Variants in CDC42SE2 observed in about 807,000 individuals in gnomAD.
CDC42SE2 encodes CDC42 small effector protein 2.
Under a neutral mutation model 11.5 loss-of-function variants are expected in CDC42SE2, and 3 were observed. That is an observed-to-expected ratio of 0.26 (90% CI 0.12 to 0.67). The LOEUF (loss-of-function observed/expected upper bound fraction) is 0.67, where lower values mean the gene tolerates loss of function less well. CDC42SE2 is among the 30% of genes least tolerant of loss of function. CDC42SE2 has a pLI of 0.80. For missense variants in CDC42SE2, 82 were observed against 106.8 expected (o/e 0.77, Z 1.02); for synonymous variants, 33 against 34.8 (o/e 0.95, Z 0.18).
At chr5:131,390,291 T>A (rs1750610739) in intron 4 of CDC42SE2, among the ~76,000 whole-genome samples, 1 of 152,230 alleles carries the variant, frequency 6.6e-6, no homozygotes. Flanking sequence ...TCCAATTTTA[T>A]TCATGCTTAT....
rs960059619 is a variant in CDC42SE2, at chr5:131,392,074, T to G, written c.*983T>G. The G allele has an allele frequency of 1.2e-4, 18 of 152,644 alleles. No individual in the cohort carries two copies. Among genetic ancestry groups the G allele is most frequent in the African/African-American group, 4.3e-4 (18 of 41,458 alleles). 9.5% of individuals were successfully genotyped at this position (152,644 alleles called of 1,614,324 possible). The stretch of plus-strand genomic sequence containing the variant: ...CAGAGTTCTTTGGATTGTCACTGAA[T>G]TTTCAATGTTTAATCAGTATGGATC... On this transcript the variant is annotated 3_prime_UTR_variant, in exon 5 of 5. Transcript: ENST00000505065.
intron 1 of CDC42SE2, among the ~76,000 whole-genome samples, chr5:131,293,486 C>T (rs988790583): frequency 4.0e-5 from 6 of 151,198 alleles, no homozygotes; most frequent in African/African-American, 1.5e-4. Flanking sequence ...GCAGGAGAAT[C>T]GCTTGAACCC....
intron 3 of CDC42SE2, among the ~76,000 whole-genome samples, chr5:131,381,149 T>G (rs1445978195): frequency 6.6e-6 from 1 of 152,134 alleles, no homozygotes; most frequent in African/African-American, 2.4e-5. Context: ...GAAATCTCAT[T>G]AACTTGGCTT....
upstream of CDC42SE2, among the ~76,000 whole-genome samples, chr5:131,244,213 A>C (rs1021623568): frequency 6.6e-6 from 1 of 152,232 alleles, no homozygotes; most frequent in African/African-American, 2.4e-5. Context: ...AAATAAATGT[A>C]ACTACAAATA....
At chr5:131,390,880 T>C in intron 4 of CDC42SE2, 113 bp from the exon 5 acceptor site, 1 of 587,824 alleles carries the variant, frequency 1.7e-6, no homozygotes, top group Non-Finnish European at 2.9e-6. Flanking sequence ...TCTATAAAAG[T>C]ACCCTTCTGA....
intron 3 of CDC42SE2, among the ~76,000 whole-genome samples, chr5:131,361,092 A>G (rs1749694684): frequency 6.8e-6 from 1 of 146,458 alleles, no homozygotes; most frequent in East Asian, 2.0e-4. Flanking sequence ...TTTGGATTGC[A>G]TTGAATTTAT....
intron 1 of CDC42SE2, among the ~76,000 whole-genome samples, chr5:131,251,492 T>C (rs1274411554): frequency 1.3e-5 from 2 of 152,252 alleles, no homozygotes; most frequent in East Asian, 3.8e-4. Context: ...AACAGGTTCT[T>C]ATATTTTTAT....
At chr5:131,300,160 A>T (rs1757650376) in intron 1 of CDC42SE2, among the ~76,000 whole-genome samples, 1 of 152,170 alleles carries the variant, frequency 6.6e-6, no homozygotes, top group Non-Finnish European at 1.5e-5. Flanking sequence ...TTATTCTGGA[A>T]TTCAGTGAAA....
At chr5:131,245,604 GTAAT>G (rs1413864795) in intron 1 of CDC42SE2, 1 of 152,212 alleles carries the variant, frequency 6.6e-6, no homozygotes, top group Non-Finnish European at 1.5e-5. Context: ...AAACAGGTGA[GTAAT>G]TAATGTTATT....
intron 1 of CDC42SE2, among the ~76,000 whole-genome samples, chr5:131,266,470 T>TTTTTTTTTTTTTTG (rs1756868188): frequency 6.7e-6 from 1 of 150,252 alleles, no homozygotes. Context: ...CTTTTTTTTT[T>TTTTTTTTTTTTTTG]TTTTTTCGAG....
chr5:131,373,276 A>G (rs1371749668), intron 3 of CDC42SE2, among the ~76,000 whole-genome samples: 1 of 152,224 alleles, frequency 6.6e-6, no homozygotes, highest in African/African-American at 2.4e-5. Flanking sequence ...GAGGAGAGAG[A>G]ACCGTGGATC....
intron 1 of CDC42SE2, among the ~76,000 whole-genome samples, chr5:131,247,734 T>G (rs561498849): frequency 2.4e-4 from 36 of 152,162 alleles, no homozygotes; most frequent in Non-Finnish European, 4.6e-4. Context: ...CTGGAACTCC[T>G]GGGCTCAAGT....
chr5:131,313,589 G>A (rs1580748452), intron 1 of CDC42SE2, among the ~76,000 whole-genome samples: 1 of 152,080 alleles, frequency 6.6e-6, no homozygotes, highest in Non-Finnish European at 1.5e-5. Flanking sequence ...TTTCTCTGCT[G>A]GATTGCCTTT....
At chr5:131,222,542 A>C in the CDC42SE2 span, among the ~76,000 whole-genome samples, 2 of 152,234 alleles carry the variant, frequency 1.3e-5, no homozygotes, top group Non-Finnish European at 2.9e-5. Context: ...AGAAACTAAG[A>C]CTTTACTAAA....
At chr5:131,227,136 C>T in the CDC42SE2 span, among the ~76,000 whole-genome samples, 6 of 152,164 alleles carry the variant, frequency 3.9e-5, no homozygotes, top group South Asian at 2.1e-4. Flanking sequence ...TGATGACTCA[C>T]GCCTGTAATC....
chr5:131,317,560 G>A (rs1369541430), intron 2 of CDC42SE2, among the ~76,000 whole-genome samples: 1 of 151,678 alleles, frequency 6.6e-6, no homozygotes, highest in Non-Finnish European at 1.5e-5. Flanking sequence ...GTAGTAAGAG[G>A]GATCTTGGGC....
chr5:131,267,495 GGT>G (rs1315278262), intron 1 of CDC42SE2, among the ~76,000 whole-genome samples: 10 of 152,024 alleles, frequency 6.6e-5, no homozygotes, highest in Admixed American at 3.3e-4. Context: ...TTGAAATGTT[GGT>G]GTTTTCTTCA....
At chr5:131,250,887 CT>C (rs1756633542) in intron 1 of CDC42SE2, among the ~76,000 whole-genome samples, 1 of 152,048 alleles carries the variant, frequency 6.6e-6, no homozygotes, top group Non-Finnish European at 1.5e-5. Flanking sequence ...TTAAAAAATA[CT>C]ATGGTAATAT....
At chr5:131,260,858 T>C (rs13359386), upstream of CDC42SE2, among the ~76,000 whole-genome samples, 67,057 of 151,970 alleles carry the variant, frequency 0.44, 19,261 homozygotes, top group African/African-American at 0.82. Flanking sequence ...CATTTGAACC[T>C]GGGAGGCAGA....
Sources: gnomAD v4.1 joint callset for allele counts (sites outside exome capture counted in the v4.1 genomes callset) on GRCh38, gnomAD v4.1.1 for gene constraint, MANE v1.5 for transcripts, NCBI Gene and HGNC (gene_info 2026-07-23, HGNC 2026-07-21) for gene names.